Variants in TEC observed in about 807,000 individuals in gnomAD.
TEC encodes the protein tec protein tyrosine kinase.
In TEC, 72 loss-of-function variants were observed where a neutral mutation model predicts 93.0. That is an observed-to-expected ratio of 0.77 (90% confidence interval 0.64 to 0.94). The LOEUF (loss-of-function observed/expected upper bound fraction) is 0.94, where lower values mean the gene tolerates loss of function less well. Among genes scored for constraint, TEC ranks in the 40% least tolerant of loss-of-function variants. The pLI, the probability that TEC is intolerant of heterozygous loss-of-function variation, is 0.00. For missense variants in TEC, 630 were observed against 757.9 expected, an observed-to-expected ratio of 0.83 and a Z score of 1.98; for synonymous variants, 249 against 247.7, an observed-to-expected ratio of 1.01 and a Z score of -0.05.
intron 8 of TEC, among the ~76,000 whole-genome samples, chr4:48,157,428 A>C (rs1040568400): frequency 1.3e-5 from 2 of 152,168 alleles, no homozygotes; most frequent in African/African-American, 4.8e-5. Context: ...CTATTGTAGA[A>C]ATGTCTACCA....
chr4:48,184,770 TACACACACACACACACAC>T (rs58704241), intron 2 of TEC, among the ~76,000 whole-genome samples: 15 of 141,048 alleles, frequency 1.1e-4, no homozygotes, highest in South Asian at 2.3e-4. Flanking sequence ...ACAAAAAAAA[TACACACACACACACACAC>T]ACACACACAC....
rs1720070955 is a variant in TEC, at chr4:48,149,582, A to G, written c.981T>C (p.Ile327=). 1 of 1,611,062 alleles carries G rather than the reference A, an allele frequency of 6.2e-7. No individual in the cohort carries two copies. Among genetic ancestry groups the G allele is most frequent in the African/African-American group, 1.3e-5 (1 of 74,712 alleles). ...KHAFGSIPEI[I]EYHKHNAAGL... ...CTGCTGCATTGTGCTTATGATATTC[A>G]ATAATCTCAGGAATGGAGCCAAAAG... is the stretch of plus-strand genomic sequence containing the variant. The change falls in exon 11 of 18, where the codon ATT becomes ATC. Residue 327 remains isoleucine, a synonymous_variant. Coordinates refer to ENST00000381501, the MANE Select transcript of TEC (RefSeq NM_003215.3).
At chr4:48,178,454 T>C (rs1457861830) in intron 2 of TEC, among the ~76,000 whole-genome samples, 2 of 152,242 alleles carry the variant, frequency 1.3e-5, no homozygotes, top group Admixed American at 6.5e-5. Context: ...TGTTATCTCA[T>C]TCTGTGCTCA....
At chr4:48,173,575 G>C (rs535644956) in intron 3 of TEC, among the ~76,000 whole-genome samples, 2 of 152,318 alleles carry the variant, frequency 1.3e-5, no homozygotes, top group South Asian at 4.1e-4. Flanking sequence ...CACAGCAGAG[G>C]CTGTTGGGAG....
intron 2 of TEC, among the ~76,000 whole-genome samples, chr4:48,187,434 TAAAA>T (rs59244907): frequency 1.5e-5 from 2 of 134,234 alleles, no homozygotes; most frequent in Non-Finnish European, 1.6e-5. Context: ...CAATAAATAC[TAAAA>T]AAAAAAAAAA....
At chr4:48,207,983 A>C in intron 2 of TEC, among the ~76,000 whole-genome samples, 1 of 152,216 alleles carries the variant, frequency 6.6e-6, no homozygotes, top group Middle Eastern at 3.2e-3. Context: ...CAAGGCAAAC[A>C]GAGTAAGTCA....
chr4:48,156,499 A>G (rs1287859631), intron 9 of TEC, among the ~76,000 whole-genome samples, 181 bp downstream of exon 9: 2 of 152,182 alleles, frequency 1.3e-5, no homozygotes, highest in South Asian at 2.1e-4. Flanking sequence ...ATTTATTTCT[A>G]GAAACTGGAT....
At chr4:48,179,043 C>G (rs189406337) in intron 2 of TEC, among the ~76,000 whole-genome samples, 1 of 152,168 alleles carries the variant, frequency 6.6e-6, no homozygotes, top group African/African-American at 2.4e-5. Flanking sequence ...CCTTAGTGGC[C>G]CTGACTTTGG....
chr4:48,138,963 C>T lies in TEC; in HGVS notation c.1595G>A (p.Cys532Tyr), dbSNP rs746818910. ...GCTGTAATTAAACACTTCAGGTGGA[C>T]ACCACTTCACAGGAAACTTAGCACC... ...SSGAKFPVKW[C>Y]PPEVFNYSRF... The change falls in exon 16 of 18, where the codon TGT becomes TAT. Residue 532 changes from cysteine (C) to tyrosine (Y), a missense_variant. Coordinates refer to ENST00000381501, the MANE Select transcript of TEC (RefSeq NM_003215.3). 6.2e-6 allele frequency: 10 copies of T among 1,614,098 alleles called. No individual in the cohort carries two copies. The highest frequency in any genetic ancestry group is 7.6e-6 in the Non-Finnish European group (9 of 1,180,038).
Position 48,142,739 on chromosome 4 carries a change from G to A in TEC, c.1471-1320C>T, listed in dbSNP as rs1249131318. On this transcript the variant is annotated intron_variant, in intron 14 of 17. Coordinates refer to ENST00000381501, the MANE Select transcript of TEC (RefSeq NM_003215.3). ...CTCTGTCACCAGGCTGGAGTCCAGT[G>A]GTGCGACCTTGGCTCACTGCAACCT... 2.0e-5 allele frequency among the ~76,000 whole-genome samples: 3 copies of A among 151,896 alleles called. No individual in the cohort carries two copies. In the East Asian group the frequency reaches 5.8e-4, roughly 29 times the overall value.
At chr4:48,202,393 C>A (rs1000458027) in intron 2 of TEC, among the ~76,000 whole-genome samples, 13 of 151,964 alleles carry the variant, frequency 8.6e-5, no homozygotes, top group Non-Finnish European at 1.8e-4. Flanking sequence ...AGCCAAAACC[C>A]TGTCTCTACT....
At chr4:48,239,132 GA>G (rs888085939) in intron 1 of TEC, among the ~76,000 whole-genome samples, 5 of 149,304 alleles carry the variant, frequency 3.3e-5, no homozygotes, top group Admixed American at 2.7e-4. Context: ...TAATGCTTTT[GA>G]AAAAAAAAGC....
chr4:48,249,449 A>G (rs1429821685), intron 1 of TEC, among the ~76,000 whole-genome samples: 1 of 152,260 alleles, frequency 6.6e-6, no homozygotes, highest in African/African-American at 2.4e-5. Context: ...TATGTGACAG[A>G]AATGTAAATC....
intron 1 of TEC, among the ~76,000 whole-genome samples, chr4:48,232,640 C>T (rs1209970658): frequency 6.6e-6 from 1 of 152,228 alleles, no homozygotes; most frequent in African/African-American, 2.4e-5. Context: ...TGTAGACTTC[C>T]AGCCAAAGAT....
At chr4:48,220,830 A>AGT (rs1174844489) in intron 2 of TEC, among the ~76,000 whole-genome samples, 1 of 152,172 alleles carries the variant, frequency 6.6e-6, no homozygotes, top group Non-Finnish European at 1.5e-5. Flanking sequence ...ACACCAATTG[A>AGT]GTGTCCTACA....
intron 10 of TEC, among the ~76,000 whole-genome samples, chr4:48,150,253 G>A (rs1040730007): frequency 2.0e-5 from 3 of 152,078 alleles, no homozygotes; most frequent in Admixed American, 2.0e-4. Flanking sequence ...CATTCTACCT[G>A]CAGCTACAAC....
At chr4:48,221,600 C>G (rs1242742046) in intron 2 of TEC, among the ~76,000 whole-genome samples, 1 of 152,198 alleles carries the variant, frequency 6.6e-6, no homozygotes, top group Non-Finnish European at 1.5e-5. Context: ...AGCACATGCA[C>G]ACATTCTTGT....
chr4:48,243,233 T>C (rs560036155), intron 1 of TEC, among the ~76,000 whole-genome samples: 6 of 152,342 alleles, frequency 3.9e-5, no homozygotes, highest in African/African-American at 1.4e-4. Context: ...TCATTATTTT[T>C]ACTGGAAATT....
rs1371413978 is a variant in TEC at position 48,145,396 on chromosome 4, A to G, written c.1253+12T>C. 4 of 1,613,874 alleles carry G rather than the reference A, an allele frequency of 2.5e-6. No homozygotes were observed. The African/African-American group carries it at 4.0e-5, about 16-fold the overall frequency. On this transcript the variant is annotated intron_variant, in intron 13 of 17. Transcript: ENST00000381501. ...TACAAAAAGATGAGCCAGAAAGATG[A>G]TAGCAACTTACATCATCACTTTAGC...
Sources: allele counts gnomAD v4.1 joint callset (sites outside exome capture counted in the v4.1 genomes callset), GRCh38; gene constraint gnomAD v4.1.1; transcripts MANE v1.5; gene names NCBI Gene and HGNC (gene_info 2026-07-23, HGNC 2026-07-21).